Variants in GADL1 observed in about 807,000 individuals in gnomAD.
GADL1 encodes the protein GAD like acidic amino acid decarboxylase 1, also known as acidic amino acid decarboxylase GADL1.
Under a neutral mutation model 69.5 loss-of-function variants are expected in GADL1, and 71 were observed. The ratio of observed to expected loss-of-function variants is 1.02; its 90% confidence interval spans 0.84 to 1.25. GADL1 has a LOEUF of 1.25. Ranked by LOEUF, GADL1 falls within the 50% of genes most tolerant of loss-of-function variation. The pLI is 0.00. For missense variants in GADL1, 737 were observed against 631.8 expected, an observed-to-expected ratio of 1.17 and a Z score of -1.79; for synonymous variants, 254 against 214.4, an observed-to-expected ratio of 1.18 and a Z score of -1.62.
At chr3:30,870,502 T>C (rs1197106228) in intron 1 of GADL1, among the ~76,000 whole-genome samples, 1 of 151,774 alleles carries the variant, frequency 6.6e-6, no homozygotes, top group Non-Finnish European at 1.5e-5. Context: ...GGTAAGGTCG[T>C]ATTTTACTCT....
chr3:30,798,173 G>A (rs1171665420), intron 12 of GADL1: 1 of 152,228 alleles, frequency 6.6e-6, no homozygotes, highest in Non-Finnish European at 1.5e-5. Context: ...CCAGACTTTT[G>A]TGTCACCTCA....
intron 2 of GADL1, among the ~76,000 whole-genome samples, chr3:30,858,699 C>A (rs778859648): frequency 4.9e-4 from 75 of 151,928 alleles, no homozygotes; most frequent in Admixed American, 2.0e-4. Flanking sequence ...TCAGAATATC[C>A]AAAAGCTGTA....
intron 6 of GADL1, among the ~76,000 whole-genome samples, chr3:30,846,648 G>A (rs975045818): frequency 2.6e-5 from 4 of 152,266 alleles, no homozygotes; most frequent in African/African-American, 7.2e-5. Flanking sequence ...ACATTTTAGA[G>A]AATGAACAAA....
At chr3:30,868,799 C>T (rs1002987712) in intron 1 of GADL1, among the ~76,000 whole-genome samples, 12 of 151,746 alleles carry the variant, frequency 7.9e-5, no homozygotes, top group African/African-American at 2.9e-4. Context: ...TTGTTCAGAG[C>T]AAGTTAGCAA....
chr3:30,779,918 T>G (rs1017210034), intron 13 of GADL1, among the ~76,000 whole-genome samples: 3 of 152,242 alleles, frequency 2.0e-5, no homozygotes, highest in African/African-American at 4.8e-5. Context: ...AATGCTTTCC[T>G]GGTGTGGTGT....
chr3:30,776,850 G>A (rs576651436), intron 14 of GADL1, among the ~76,000 whole-genome samples: 2 of 152,248 alleles, frequency 1.3e-5, no homozygotes, highest in East Asian at 3.9e-4. Flanking sequence ...CACCCCTGTG[G>A]TCTTTGAATC....
At chr3:30,739,954 T>C (rs911501734) in intron 14 of GADL1, among the ~76,000 whole-genome samples, 4 of 152,174 alleles carry the variant, frequency 2.6e-5, no homozygotes, top group African/African-American at 7.2e-5. Context: ...TTGCACATTT[T>C]GAGAAAATTA....
chr3:30,736,425 G>A (rs1171279716), intron 14 of GADL1, among the ~76,000 whole-genome samples: 1 of 151,996 alleles, frequency 6.6e-6, no homozygotes, highest in Admixed American at 6.6e-5. Flanking sequence ...GAAATAATGA[G>A]AACACAATAA....
At chr3:30,760,914 G>A (rs1016432499) in intron 14 of GADL1, among the ~76,000 whole-genome samples, 2 of 152,050 alleles carry the variant, frequency 1.3e-5, no homozygotes, top group African/African-American at 4.8e-5. Flanking sequence ...GGCCATTCCT[G>A]CTTCAACTAG....
intron 14 of GADL1, among the ~76,000 whole-genome samples, chr3:30,776,085 G>GAA (rs1553638159): frequency 1.4e-5 from 2 of 148,106 alleles, no homozygotes; most frequent in South Asian, 4.3e-4. Flanking sequence ...CTCCGTCTTG[G>GAA]AAAAAAAAAA....
intron 2 of GADL1, among the ~76,000 whole-genome samples, chr3:30,859,208 C>T (rs1167448007): frequency 6.6e-6 from 1 of 151,506 alleles, no homozygotes; most frequent in East Asian, 1.9e-4. Flanking sequence ...AGGGAAGTAG[C>T]CAGGGAGTGA....
At chr3:30,818,464 A>G (rs1697513455) in intron 11 of GADL1, among the ~76,000 whole-genome samples, 1 of 152,210 alleles carries the variant, frequency 6.6e-6, no homozygotes, top group Non-Finnish European at 1.5e-5. Context: ...CAGACCATTC[A>G]GAAATAAAAC....
At chr3:30,799,197 G>A (rs1474483772) in intron 12 of GADL1, 1 of 152,286 alleles carries the variant, frequency 6.6e-6, no homozygotes, top group Non-Finnish European at 1.5e-5. Flanking sequence ...TGCCCTAGCA[G>A]AGGGTCTCCA....
intron 14 of GADL1, among the ~76,000 whole-genome samples, chr3:30,758,909 T>A (rs995482534): frequency 6.6e-6 from 1 of 152,176 alleles, no homozygotes; most frequent in African/African-American, 2.4e-5. Context: ...GAGTCAACAT[T>A]TGATCTCCTT....
chr3:30,773,023 G>A (rs1407794878), intron 14 of GADL1, among the ~76,000 whole-genome samples: 1 of 151,052 alleles, frequency 6.6e-6, no homozygotes, highest in East Asian at 1.9e-4. Flanking sequence ...GGAAGGAGGG[G>A]AGAGATAGGG....
intron 1 of GADL1, among the ~76,000 whole-genome samples, chr3:30,884,354 T>A (rs921442193): frequency 6.6e-6 from 1 of 152,034 alleles, no homozygotes; most frequent in Non-Finnish European, 1.5e-5. Context: ...CTCATATTGG[T>A]GATCTCTGAT....
intron 8 of GADL1, 50 bp from the exon 9 acceptor site, chr3:30,839,163 T>C (rs1237877898): frequency 1.6e-6 from 2 of 1,215,202 alleles, no homozygotes; most frequent in South Asian, 1.7e-5. Flanking sequence ...TCACTAAATT[T>C]GTCCTGTAAT....
intron 14 of GADL1, among the ~76,000 whole-genome samples, chr3:30,753,294 T>C (rs1432193609): frequency 6.6e-6 from 1 of 151,794 alleles, no homozygotes; most frequent in African/African-American, 2.4e-5. Context: ...TTCTGACATT[T>C]ATTCCTTTGA....
At chr3:30,856,906 G>A (rs759511197) in intron 3 of GADL1, 109 bp downstream of exon 3, 46 of 858,976 alleles carry the variant, frequency 5.4e-5, no homozygotes, top group Non-Finnish European at 7.4e-5. Context: ...CTAATTTTTT[G>A]ATCCAGATTT....
Sources: allele counts gnomAD v4.1 joint callset (sites outside exome capture counted in the v4.1 genomes callset), GRCh38; gene constraint gnomAD v4.1.1; transcripts MANE v1.5; gene names NCBI Gene and HGNC (gene_info 2026-07-23, HGNC 2026-07-21).